Variants in LRRC7 observed in about 807,000 individuals in gnomAD.
LRRC7 encodes the protein leucine-rich repeat-containing protein 7.
In LRRC7, 23 loss-of-function variants were observed where a neutral mutation model predicts 175.7. That is an observed-to-expected ratio of 0.13 (90% CI 0.09 to 0.19). The LOEUF is 0.19. Among genes scored for constraint, LRRC7 ranks in the 10% least tolerant of loss-of-function variants. LRRC7 has a pLI of 1.00. For missense variants in LRRC7, 1,354 were observed against 1,904.7 expected, an observed-to-expected ratio of 0.71 and a Z score of 5.38; for synonymous variants, 685 against 680.9, an observed-to-expected ratio of 1.01 and a Z score of -0.09.
In LRRC7 at chr1:69,933,813, A is replaced by C. The variant is rs142389933; in HGVS notation, c.711+2243A>C. Among the ~76,000 whole-genome samples the C allele has an allele frequency of 3.3e-3, 497 of 152,306 alleles. 1 individual carries two copies. Among genetic ancestry groups the C allele is most frequent in the African/African-American group, 0.011 (448 of 41,584 alleles). ...CTAGTTGTACTAAAAGTAAATTTTA[A>C]ATTATTTTAATAATGTATGATTTAT... is the stretch of plus-strand genomic sequence containing the variant. On this transcript the variant is annotated intron_variant, in intron 8 of 26. Transcript: ENST00000651989.
intron 1 of LRRC7, among the ~76,000 whole-genome samples, chr1:69,609,619 G>A (rs977681398): frequency 9.9e-5 from 15 of 152,098 alleles, no homozygotes; most frequent in African/African-American, 3.6e-4. Context: ...ATGTGATGGT[G>A]CTCAGCTGGT....
chr1:69,797,426 A>C (rs1675921138), intron 4 of LRRC7, among the ~76,000 whole-genome samples: 1 of 152,072 alleles, frequency 6.6e-6, no homozygotes, highest in South Asian at 2.1e-4. Flanking sequence ...TTGAAACCCA[A>C]ATTCATCATT....
At position 69,779,446 on chromosome 1, in the gene LRRC7, T is replaced by C. The variant is rs778649654; in HGVS notation, c.304-12597T>C. Among the ~76,000 whole-genome samples the C allele has an allele frequency of 2.6e-5, 4 of 152,346 alleles. 1 individual carries two copies. The highest frequency in any genetic ancestry group is 2.6e-4 in the Admixed American group (4 of 15,296). ...CCATCACATAAAGTAATCAAGGATA[T>C]GTAAGTTAAATAACATTTTCATTTA... On this transcript the variant is annotated intron_variant, in intron 3 of 26. Coordinates refer to ENST00000651989, the MANE Select transcript of LRRC7 (RefSeq NM_001370785.2).
intron 1 of LRRC7, chr1:69,607,494 G>A (rs1431493897): frequency 1.3e-5 from 2 of 151,410 alleles, no homozygotes; most frequent in African/African-American, 2.4e-5. Context: ...CATTTTGATT[G>A]GTTCCTACTG....
intron 2 of LRRC7, among the ~76,000 whole-genome samples, chr1:69,751,025 G>T (rs962222834): frequency 6.6e-6 from 1 of 152,138 alleles, no homozygotes; most frequent in East Asian, 1.9e-4. Context: ...CATGGTCTGG[G>T]AAATACTGTT....
intron 2 of LRRC7, among the ~76,000 whole-genome samples, chr1:69,727,813 C>A (rs879800016): frequency 6.6e-6 from 1 of 152,092 alleles, no homozygotes; most frequent in Non-Finnish European, 1.5e-5. Flanking sequence ...ATTATAACTA[C>A]GAAATCTTAC....
rs200616398 is a variant in LRRC7 at position 69,952,812 on chromosome 1, G to A, written c.711+21242G>A. Among the ~76,000 whole-genome samples the A allele has an allele frequency of 9.9e-5, 15 of 151,692 alleles. No individual in the cohort carries two copies. The East Asian group carries it at 1.2e-3, about 12-fold the overall frequency. ...AAAATAGAGAAAACCCTAGTGGTGC[G>A]TGGTCCTCCTACATGCTGTGGGAGC... On this transcript the variant is annotated intron_variant, in intron 8 of 26. Coordinates refer to ENST00000651989, the MANE Select transcript of LRRC7 (RefSeq NM_001370785.2).
intron 7 of LRRC7, among the ~76,000 whole-genome samples, chr1:69,877,034 G>A (rs554456655): frequency 5.9e-5 from 9 of 152,248 alleles, no homozygotes; most frequent in Non-Finnish European, 1.3e-4. Flanking sequence ...AAAGGAAAAT[G>A]AGTGTTACTC....
intron 2 of LRRC7, among the ~76,000 whole-genome samples, chr1:69,748,377 A>G (rs1325245414): frequency 2.0e-5 from 3 of 152,150 alleles, no homozygotes; most frequent in African/African-American, 7.2e-5. Context: ...GTCTCATCAC[A>G]AAAGGCAAGG....
At chr1:69,938,947 A>G (rs1648335348) in intron 8 of LRRC7, among the ~76,000 whole-genome samples, 1 of 145,278 alleles carries the variant, frequency 6.9e-6, no homozygotes, top group Non-Finnish European at 1.5e-5. Context: ...AAACATGCTA[A>G]TTTACTCCTT....
chr1:69,739,232 A>G (rs1668447835), intron 2 of LRRC7, among the ~76,000 whole-genome samples: 1 of 152,020 alleles, frequency 6.6e-6, no homozygotes, highest in East Asian at 1.9e-4. Context: ...TAGAGGGGAG[A>G]TAGGTACTAG....
intron 23 of LRRC7, among the ~76,000 whole-genome samples, chr1:70,056,303 G>A (rs1291330930): frequency 2.0e-5 from 3 of 152,078 alleles, no homozygotes; most frequent in Non-Finnish European, 4.4e-5. Context: ...AGGAAGAATA[G>A]GCAGAAAAGA....
intron 25 of LRRC7, among the ~76,000 whole-genome samples, chr1:70,101,698 C>T (rs1191127162): frequency 1.3e-5 from 2 of 152,126 alleles, no homozygotes; most frequent in Non-Finnish European, 2.9e-5. Context: ...TTTCATAAGC[C>T]CATTATGAGT....
chr1:69,913,571 G>A (rs562000519), intron 7 of LRRC7, among the ~76,000 whole-genome samples: 2 of 152,018 alleles, frequency 1.3e-5, no homozygotes, highest in South Asian at 2.1e-4. Flanking sequence ...GAGTGCAATG[G>A]TGCGATCTCG....
chr1:69,813,147 C>T (rs1678154012), intron 4 of LRRC7, among the ~76,000 whole-genome samples: 1 of 152,146 alleles, frequency 6.6e-6, no homozygotes, highest in Admixed American at 6.6e-5. Flanking sequence ...TTCTCCACAA[C>T]ATCGATGTTT....
chr1:69,665,861 T>C (rs1160026319), intron 1 of LRRC7, among the ~76,000 whole-genome samples: 5 of 152,112 alleles, frequency 3.3e-5, no homozygotes, highest in Non-Finnish European at 5.9e-5. Flanking sequence ...CAGAACTATG[T>C]TGAAAAACAG....
Position 70,125,289 on chromosome 1 carries a change from C to T in LRRC7, c.*3402C>T, listed in dbSNP as rs1327729191. On this transcript the variant is annotated 3_prime_UTR_variant, in exon 27 of 27. Coordinates refer to ENST00000651989, the MANE Select transcript of LRRC7 (RefSeq NM_001370785.2). ...AAAGTGCAGGCAAAAACCACAATTACTTTTGTTCCAACCTAGTACATAGAT... is the reference window on the plus strand; with the variant it reads ...AAAGTGCAGGCAAAAACCACAATTATTTTTGTTCCAACCTAGTACATAGAT... 1.3e-5 allele frequency among the ~76,000 whole-genome samples: 2 copies of T among 152,290 alleles called. No homozygotes were observed. The highest frequency in any genetic ancestry group is 2.9e-5 in the Non-Finnish European group (2 of 68,024).
At chr1:69,669,958 C>T (rs1658830036) in intron 1 of LRRC7, among the ~76,000 whole-genome samples, 1 of 152,070 alleles carries the variant, frequency 6.6e-6, no homozygotes, top group Non-Finnish European at 1.5e-5. Flanking sequence ...TTAAATTTGT[C>T]TGATAAAATT....
chr1:69,646,134 AC>A lies in LRRC7; in HGVS notation c.3-32246del, dbSNP rs570268062. On this transcript the variant is annotated intron_variant, in intron 1 of 26. Coordinates refer to ENST00000651989, the MANE Select transcript of LRRC7 (RefSeq NM_001370785.2). ...TCAGAGCTTACTCCCTTTTTTTCAA[AC>A]TGAGAGTATGGATAATACATGCCGT... is the stretch of plus-strand genomic sequence containing the variant. 4.5e-4 allele frequency among the ~76,000 whole-genome samples: 69 copies of A among 152,152 alleles called. No individual in the cohort carries two copies. The East Asian group carries it at 0.013, about 28-fold the overall frequency.
Sources: allele counts gnomAD v4.1 joint callset (sites outside exome capture counted in the v4.1 genomes callset), GRCh38; gene constraint gnomAD v4.1.1; transcripts MANE v1.5; gene names NCBI Gene and HGNC (gene_info 2026-07-23, HGNC 2026-07-21).